The following SRRM3 variants were observed in gnomAD, a reference collection of about 807,000 sequenced individuals.
The protein encoded by SRRM3 is serine/arginine repetitive matrix protein 3.
A neutral mutation model predicts 66.2 loss-of-function variants in SRRM3; 27 were observed. The ratio of observed to expected loss-of-function variants is 0.41; its 90% CI spans 0.30 to 0.56. SRRM3 has a LOEUF of 0.56. Among genes scored for constraint, SRRM3 ranks in the 20% least tolerant of loss-of-function variants. The pLI, the probability that SRRM3 is intolerant of heterozygous loss-of-function variation, is 0.32. For missense variants in SRRM3, 918 were observed against 991.9 expected (o/e 0.93, Z 1.00); for synonymous variants, 391 against 414.9 (o/e 0.94, Z 0.70).
chr7:76,259,217 C>T (rs1056893089), intron 3 of SRRM3, among the ~76,000 whole-genome samples: 1 of 150,870 alleles, frequency 6.6e-6, no homozygotes. Flanking sequence ...GGGAGGGCTT[C>T]AATGAATGGG....
At chr7:76,257,750 C>T (rs551553802) in intron 3 of SRRM3, among the ~76,000 whole-genome samples, 9 of 151,570 alleles carry the variant, frequency 5.9e-5, no homozygotes, top group African/African-American at 1.2e-4. Context: ...TCCAGCCTCG[C>T]GACAGGGTGA....
chr7:76,213,597 C>T (rs1800489161), intron 1 of SRRM3, among the ~76,000 whole-genome samples: 1 of 151,956 alleles, frequency 6.6e-6, no homozygotes, highest in Non-Finnish European at 1.5e-5. Context: ...AAGCATGGGG[C>T]CTGGCATCTA....
rs1413081897 is a variant in SRRM3, at chr7:76,260,216, C to T, written c.545+19C>T. Reference sequence around the variant, plus strand: ...GAAGCCGGTGAGAACCGCGCCTGACCGGAGCGGGAAGGGAGGAGGAGGTGG... The same window carrying T: ...GAAGCCGGTGAGAACCGCGCCTGACTGGAGCGGGAAGGGAGGAGGAGGTGG... On this transcript the variant is annotated intron_variant, in intron 5 of 14. Transcript: ENST00000611745. 5 of 1,521,250 alleles carry T rather than the reference C, an allele frequency of 3.3e-6. No homozygotes were observed. The highest frequency in any genetic ancestry group is 1.2e-5 in the South Asian group (1 of 81,706). 94.2% of individuals were successfully genotyped at this position (1,521,250 alleles called of 1,614,324 possible).
intron 1 of SRRM3, among the ~76,000 whole-genome samples, chr7:76,204,887 A>T (rs1554600981): frequency 6.6e-6 from 1 of 152,172 alleles, no homozygotes; most frequent in African/African-American, 2.4e-5. Context: ...AGCCTGGGCA[A>T]CATAGTGAGA....
intron 3 of SRRM3, among the ~76,000 whole-genome samples, chr7:76,248,945 A>G (rs1801506994): frequency 6.6e-6 from 1 of 152,054 alleles, no homozygotes; most frequent in Non-Finnish European, 1.5e-5. Flanking sequence ...CTGCCACTGT[A>G]CTCCAGCCTG....
intron 2 of SRRM3, among the ~76,000 whole-genome samples, chr7:76,240,206 G>C (rs1201777159): frequency 6.6e-6 from 1 of 151,532 alleles, no homozygotes; most frequent in Non-Finnish European, 1.5e-5. Context: ...ATAATTAGCT[G>C]GTCATAGTGG....
intron 3 of SRRM3, among the ~76,000 whole-genome samples, chr7:76,257,240 C>A (rs1004909607): frequency 6.6e-6 from 1 of 151,926 alleles, no homozygotes; most frequent in African/African-American, 2.4e-5. Flanking sequence ...CGATCCAAGC[C>A]CTTTTCCCTA....
intron 11 of SRRM3, among the ~76,000 whole-genome samples, chr7:76,275,330 G>A (rs1272597084): frequency 6.6e-6 from 1 of 151,292 alleles, no homozygotes; most frequent in Non-Finnish European, 1.5e-5. Flanking sequence ...CTCTTGGAAA[G>A]GAAGAAAGGG....
rs144957959 is a variant in SRRM3, at chr7:76,262,820, A to AAAAGAAAG, written c.674+1255_674+1262dup. On this transcript the variant is annotated intron_variant, in intron 8 of 14. Transcript: ENST00000611745. ...GACAGAGCAAGACTCCATCTCAAAA[A>AAAAGAAAG]AAAGAAAGAAAGAAAGAAAGAAAAG... is the stretch of plus-strand genomic sequence containing the variant. 1.6e-3 allele frequency among the ~76,000 whole-genome samples: 235 copies of AAAAGAAAG among 150,234 alleles called. 1 individual carries two copies. The highest frequency in any genetic ancestry group is 4.6e-3 in the South Asian group (22 of 4,776).
chr7:76,260,993 T>G (rs530749599), intron 6 of SRRM3, 90 bp downstream of exon 6: 1 of 1,417,842 alleles, frequency 7.1e-7, no homozygotes, highest in African/African-American at 1.4e-5. Flanking sequence ...GCCGGAGGCC[T>G]GGACCCTCAG....
At chr7:76,275,873 G>A (rs1384356821) in intron 11 of SRRM3, among the ~76,000 whole-genome samples, 1 of 151,994 alleles carries the variant, frequency 6.6e-6, no homozygotes, top group Non-Finnish European at 1.5e-5. Flanking sequence ...CCAGGAGTTT[G>A]AGACCAGCCT....
chr7:76,255,144 C>CTTTTTTTTT (rs1309988503), intron 3 of SRRM3, among the ~76,000 whole-genome samples: 21 of 70,300 alleles, frequency 3.0e-4, no homozygotes, highest in African/African-American at 9.7e-4. Flanking sequence ...TTCTTTCTTT[C>CTTTTTTTTT]TTTCTTTTTT....
chr7:76,283,633 GTC>G (rs1309394239), intron 14 of SRRM3: 1 of 525,674 alleles, frequency 1.9e-6, no homozygotes, highest in Non-Finnish European at 3.4e-6. Context: ...TCAGCTGTCC[GTC>G]TGTCTGCCTC....
At chr7:76,265,858 A>ATATAT (rs1554609525) in intron 10 of SRRM3, among the ~76,000 whole-genome samples, 10 of 8,372 alleles carry the variant, frequency 1.2e-3, no homozygotes, top group African/African-American at 2.4e-3. Context: ...ATATATATAT[A>ATATAT]TTTTTTTTTT....
intron 2 of SRRM3, among the ~76,000 whole-genome samples, chr7:76,244,217 G>A (rs1554605943): frequency 6.6e-6 from 1 of 152,128 alleles, no homozygotes; most frequent in African/African-American, 2.4e-5. Flanking sequence ...GGGGGTCAGG[G>A]GACACCTGCT....
At chr7:76,283,589 T>C (rs1583948713) in intron 14 of SRRM3, 1 of 464,894 alleles carries the variant, frequency 2.2e-6, no homozygotes, top group South Asian at 1.5e-5. Flanking sequence ...ACAGGCTGCC[T>C]GGGAGATGCC....
In SRRM3 at chr7:76,261,418, C is replaced by T. The variant is rs782346837; in HGVS notation, c.638+4C>T. On this transcript the variant is annotated splice_donor_region_variant and intron_variant, in intron 7 of 14. Transcript: ENST00000611745. The stretch of plus-strand genomic sequence containing the variant: ...TGAAGAAGCATCGCCGAGACAGGTA[C>T]CCTTGCTGCCCCCACCCTGGGGCCT... 2 of 1,605,110 alleles carry T rather than the reference C, an allele frequency of 1.2e-6. No individual in the cohort carries two copies. Among genetic ancestry groups the T allele is most frequent in the Non-Finnish European group, 1.7e-6 (2 of 1,175,924 alleles).
intron 11 of SRRM3, chr7:76,269,518 T>A (rs1242971771): frequency 1.3e-5 from 2 of 150,980 alleles, no homozygotes; most frequent in East Asian, 3.9e-4. Flanking sequence ...CTGGGGGTGG[T>A]ATTCTTGGAC....
In SRRM3 at chr7:76,284,881, G is replaced by A. The variant is rs1466207690; in HGVS notation, c.1734-734G>A. 3.3e-5 allele frequency among the ~76,000 whole-genome samples: 5 copies of A among 152,190 alleles called. No individual in the cohort carries two copies. In the East Asian group the frequency reaches 7.7e-4, roughly 23 times the overall value. The stretch of plus-strand genomic sequence containing the variant: ...GGGGCCGGCGGGACTGGACCGGACC[G>A]TGGGCATGGGGAGCAGCGGCCAGGA... On this transcript the variant is annotated intron_variant, in intron 14 of 14. Coordinates refer to ENST00000611745, the MANE Select transcript of SRRM3 (RefSeq NM_001110199.3).
Sources: allele counts gnomAD v4.1 joint callset (sites outside exome capture counted in the v4.1 genomes callset), GRCh38; gene constraint gnomAD v4.1.1; transcripts MANE v1.5; gene names NCBI Gene and HGNC (gene_info 2026-07-23, HGNC 2026-07-21).